The following RANBP2 variants were observed in gnomAD, a reference collection of about 807,000 sequenced individuals.
The protein encoded by RANBP2 is RAN binding protein 2, also known as E3 SUMO-protein ligase RanBP2.
Under a neutral mutation model 303.6 loss-of-function variants are expected in RANBP2, and 57 were observed. The observed-to-expected ratio is 0.19, with a 90% CI of 0.15 to 0.23. The LOEUF (loss-of-function observed/expected upper bound fraction) is 0.23. RANBP2 is among the 10% of genes least tolerant of loss of function. The pLI is 1.00. For synonymous variants in RANBP2, 1,167 were observed against 1,301.5 expected, an observed-to-expected ratio of 0.90 and a Z score of 2.23; for missense variants, 3,138 against 3,780.8, an observed-to-expected ratio of 0.83 and a Z score of 4.46.
chr2:109,250,381 G>A, the RANBP2 span, among the ~76,000 whole-genome samples: 1 of 151,992 alleles, frequency 6.6e-6, no homozygotes, highest in Admixed American at 6.6e-5. Context: ...TCTGAGCTTA[G>A]CAATGTAAGC....
the RANBP2 span, among the ~76,000 whole-genome samples, chr2:108,967,699 C>A: frequency 2.0e-5 from 3 of 152,098 alleles, no homozygotes; most frequent in Admixed American, 6.5e-5. Flanking sequence ...AAACCAATTT[C>A]TTTTCCCCTT....
At chr2:109,463,360 C>G in the RANBP2 span, among the ~76,000 whole-genome samples, 4 of 152,222 alleles carry the variant, frequency 2.6e-5, no homozygotes, top group Non-Finnish European at 5.9e-5. Context: ...TTATGTGCCA[C>G]CATGTGGGCC....
In RANBP2 at chr2:108,751,993, C is replaced by T. The variant is rs121434502; in HGVS notation, c.1754C>T (p.Thr585Met). The change falls in exon 12 of 29, where the codon ACG (threonine) becomes ATG (methionine). Residue 585 changes from threonine to methionine, a missense_variant and splice_region_variant. Transcript: ENST00000283195. ...CATTGGGCAGAATGCCTTCAGAAAA[C>T]GGTGAGTTTTAAAGTATAAGCATTT... ...LVHWAECLQK[T>M]GSGLNSFYDQ... 1.2e-6 allele frequency: 2 copies of T among 1,611,744 alleles called. No individual in the cohort carries two copies. The highest frequency in any genetic ancestry group is 8.5e-7 in the Non-Finnish European group (1 of 1,179,848).
chr2:108,819,423 A>G, the RANBP2 span, among the ~76,000 whole-genome samples: 3 of 152,114 alleles, frequency 2.0e-5, no homozygotes, highest in Non-Finnish European at 4.4e-5. Context: ...ATCTCACCTC[A>G]CTCAGAGTGC....
the RANBP2 span, among the ~76,000 whole-genome samples, chr2:108,806,949 G>A: frequency 3.9e-5 from 6 of 152,186 alleles, no homozygotes; most frequent in Admixed American, 1.3e-4. Context: ...GGGACTGGGT[G>A]AATTAGAGGG....
At chr2:108,876,177 G>A in the RANBP2 span, 2 of 1,613,060 alleles carry the variant, frequency 1.2e-6, no homozygotes, top group Admixed American at 1.7e-5. Flanking sequence ...GCATTTCTCT[G>A]TATTAATCTA....
At chr2:109,128,517 C>A in the RANBP2 span, 2 of 152,178 alleles carry the variant, frequency 1.3e-5, no homozygotes, top group Non-Finnish European at 2.9e-5. Context: ...CCCCGGGGTG[C>A]CCCCTTCAAC....
At chr2:109,259,863 C>T in the RANBP2 span, among the ~76,000 whole-genome samples, 2 of 152,102 alleles carry the variant, frequency 1.3e-5, no homozygotes, top group Non-Finnish European at 2.9e-5. Flanking sequence ...GCCTCTGGGC[C>T]GGGCGCTGTG....
chr2:108,742,057 C>T (rs1251786188), intron 7 of RANBP2, among the ~76,000 whole-genome samples: 10 of 151,984 alleles, frequency 6.6e-5, no homozygotes, highest in East Asian at 3.9e-4. Flanking sequence ...AGTGCAGTGG[C>T]GCGATCTGGC....
chr2:109,225,526 G>A, the RANBP2 span, among the ~76,000 whole-genome samples: 119 of 152,354 alleles, frequency 7.8e-4, no homozygotes, highest in South Asian at 1.7e-3. Context: ...CACTCACCAT[G>A]TGGAGTTTTC....
chr2:109,158,167 C>T, the RANBP2 span, among the ~76,000 whole-genome samples: 2 of 152,114 alleles, frequency 1.3e-5, 1 homozygote, highest in Non-Finnish European at 2.9e-5. Context: ...TGTCAGACTT[C>T]AAAACACACG....
At chr2:109,362,962 G>A in the RANBP2 span, among the ~76,000 whole-genome samples, 7 of 152,138 alleles carry the variant, frequency 4.6e-5, no homozygotes, top group East Asian at 1.4e-3. Flanking sequence ...TATATTTAAA[G>A]TAGATTTCTT....
At chr2:108,985,440 C>T in the RANBP2 span, among the ~76,000 whole-genome samples, 5 of 152,238 alleles carry the variant, frequency 3.3e-5, no homozygotes, top group Admixed American at 6.5e-5. Flanking sequence ...GCAGGGCTAC[C>T]GCCACAGGTG....
At chr2:108,800,856 C>A in the RANBP2 span, among the ~76,000 whole-genome samples, 1 of 123,962 alleles carries the variant, frequency 8.1e-6, no homozygotes, top group Non-Finnish European at 1.7e-5. Flanking sequence ...CAATTCCCAC[C>A]TATGAGTGAG....
At chr2:108,974,779 G>T in the RANBP2 span, among the ~76,000 whole-genome samples, 1 of 152,116 alleles carries the variant, frequency 6.6e-6, no homozygotes, top group Non-Finnish European at 1.5e-5. Context: ...AACTGAAACT[G>T]AAACTGAGAG....
chr2:108,943,779 G>T, the RANBP2 span, among the ~76,000 whole-genome samples: 1 of 152,038 alleles, frequency 6.6e-6, no homozygotes, highest in Non-Finnish European at 1.5e-5. Flanking sequence ...CTTTCTCCAG[G>T]ATGCTCTGTG....
chr2:108,810,172 G>T, the RANBP2 span, among the ~76,000 whole-genome samples: 1 of 152,110 alleles, frequency 6.6e-6, no homozygotes, highest in Non-Finnish European at 1.5e-5. Context: ...AGTACTTCTA[G>T]TACCATGTTC....
the RANBP2 span, among the ~76,000 whole-genome samples, chr2:109,142,767 G>C: frequency 3.3e-5 from 5 of 152,226 alleles, no homozygotes; most frequent in Non-Finnish European, 7.3e-5. Flanking sequence ...AAGCATCGAG[G>C]ATTGTTGTTG....
chr2:109,362,880 T>C, the RANBP2 span, among the ~76,000 whole-genome samples: 2 of 152,212 alleles, frequency 1.3e-5, no homozygotes, highest in East Asian at 1.9e-4. Context: ...GAAATTAATA[T>C]GGATATCTTT....
Sources: allele counts gnomAD v4.1 joint callset (sites outside exome capture counted in the v4.1 genomes callset), GRCh38; gene constraint gnomAD v4.1.1; transcripts MANE v1.5; gene names NCBI Gene and HGNC (gene_info 2026-07-23, HGNC 2026-07-21).